FAM120C: variants seen among roughly 807,000 people sequenced by gnomAD.
The protein encoded by FAM120C is family with sequence similarity 120 member C.
A neutral mutation model predicts 71.2 loss-of-function variants in FAM120C; 14 were observed. The ratio of observed to expected loss-of-function variants is 0.20; its 90% CI spans 0.13 to 0.31. The LOEUF is 0.31. FAM120C is among the 10% of genes least tolerant of loss of function. FAM120C has a pLI of 1.00. For missense variants in FAM120C, 500 were observed against 879.0 expected (o/e 0.57, Z 5.45); for synonymous variants, 354 against 353.2 (o/e 1.00, Z -0.03).
intron 7 of FAM120C, among the ~76,000 whole-genome samples, chrX:54,134,479 G>T (rs1268301200): frequency 9.0e-6 from 1 of 111,602 alleles, no homozygotes; most frequent in Admixed American, 9.6e-5. Context: ...CTTACTCAAC[G>T]ATTCCACTAT....
At chrX:54,100,356 G>A (rs2066875880) in intron 10 of FAM120C, among the ~76,000 whole-genome samples, 2 of 111,462 alleles carry the variant, frequency 1.8e-5, no homozygotes, top group South Asian at 3.8e-4. Context: ...AGCCGGGTGT[G>A]GCAGCGGGCA....
chrX:54,148,698 C>A (rs182828809), intron 4 of FAM120C, among the ~76,000 whole-genome samples: 42 of 111,501 alleles, frequency 3.8e-4, no homozygotes, highest in Admixed American at 1.2e-3. Flanking sequence ...AAAACTATGA[C>A]GAGCTACCAC....
rs147620170 is a variant in FAM120C, at chrX:54,164,629, C to T, written c.700-5013G>A. On this transcript the variant is annotated intron_variant, in intron 1 of 15. Coordinates refer to ENST00000375180, the MANE Select transcript of FAM120C (RefSeq NM_017848.6). ...AGGCTGAATAATATTCCATTGTATG[C>T]TATACATTTTGTTTATCCATTCATC... Among the ~76,000 whole-genome samples, 398 of 111,925 alleles carry T rather than the reference C, an allele frequency of 3.6e-3. 3 individuals carry two copies. The highest frequency in any genetic ancestry group is 0.012 in the African/African-American group (381 of 30,849).
At chrX:54,166,456 C>T (rs2067259741) in intron 1 of FAM120C, among the ~76,000 whole-genome samples, 1 of 111,871 alleles carries the variant, frequency 8.9e-6, no homozygotes, top group African/African-American at 3.2e-5. Flanking sequence ...TTTGCAAACA[C>T]AAAATATTTA....
chrX:54,171,125 C>T (rs1429700263), intron 1 of FAM120C, among the ~76,000 whole-genome samples: 5 of 111,775 alleles, frequency 4.5e-5, no homozygotes, highest in East Asian at 2.8e-4. Context: ...AATATTTGGC[C>T]AGGCATGGTG....
At chrX:54,106,173 C>A (rs923438272) in intron 10 of FAM120C, among the ~76,000 whole-genome samples, 3 of 111,713 alleles carry the variant, frequency 2.7e-5, no homozygotes, top group Non-Finnish European at 5.6e-5. Context: ...TACAAGGCTA[C>A]GGTAACCAAA....
intron 9 of FAM120C, among the ~76,000 whole-genome samples, chrX:54,118,696 T>TTC: frequency 1.1e-5 from 1 of 93,220 alleles, no homozygotes; most frequent in Admixed American, 1.1e-4. Flanking sequence ...TTTTTCTTTT[T>TTC]TTCTTTTTTT....
At position 54,072,565 on chromosome X, in the gene FAM120C, GA is replaced by G. The variant is rs369853014; in HGVS notation, c.*467del. 33 of 84,326 alleles carry G rather than the reference GA, an allele frequency of 3.9e-4. No individual in the cohort carries two copies. The highest frequency in any genetic ancestry group is 1.1e-3 in the South Asian group (2 of 1,786). 6.9% of individuals were successfully genotyped at this position (84,326 alleles called of 1,213,427 possible). A position where few individuals can be genotyped will look rare whatever the true frequency, so the allele number is the denominator to read the frequency against. ...GAAGAGGTAGATACCACTTCATAGA[GA>G]AAAAAAAAAAACAAAAAAAAACCTC... is the stretch of plus-strand genomic sequence containing the variant. On this transcript the variant is annotated 3_prime_UTR_variant, in exon 16 of 16. Transcript: ENST00000375180.
rs1187400483 is a variant in FAM120C at position 54,098,758 on chromosome X, G to A, written c.2313-7332C>T. Reference sequence around the variant, plus strand: ...CCTGCCTCAGCCTCCTGAGTAGCTGGGATTACAGGCACGCGCCATGCCCGG... The same window carrying A: ...CCTGCCTCAGCCTCCTGAGTAGCTGAGATTACAGGCACGCGCCATGCCCGG... On this transcript the variant is annotated intron_variant, in intron 10 of 15. Transcript: ENST00000375180. Among the ~76,000 whole-genome samples the A allele has an allele frequency of 2.7e-5, 3 of 110,607 alleles. No homozygotes were observed. In the East Asian group the frequency reaches 8.6e-4, roughly 32 times the overall value.
Position 54,116,731 on chromosome X carries a change from A to C in FAM120C, c.2126T>G (p.Leu709Arg). 8.3e-7 allele frequency: 1 copy of C among 1,211,712 alleles called. No homozygotes were observed. Among genetic ancestry groups the C allele is most frequent in the African/African-American group, 1.7e-5 (1 of 57,809 alleles). Residue 709 changes from leucine to arginine, a missense_variant, in exon 10 of 16, where the codon CTG becomes CGG. Leu to Arg is a moderately radical substitution (Grantham distance 102). Coordinates refer to ENST00000375180, the MANE Select transcript of FAM120C (RefSeq NM_017848.6). The stretch of plus-strand genomic sequence containing the variant: ...TTCCCGAAATGTCAGTGCAGACACC[A>C]GCTCAGGGGTTTGAGGTGACTTCCC... The part of the protein sequence containing the change: ...YKGKSPQTPE[L>R]VSALTFREWT...
At position 54,069,031 on chromosome X, in the gene FAM120C, A is replaced by C. The variant is rs1557119845; in HGVS notation, c.*4002T>G. On this transcript the variant is annotated 3_prime_UTR_variant, in exon 16 of 16. Coordinates refer to ENST00000375180, the MANE Select transcript of FAM120C (RefSeq NM_017848.6). ...CTATAAAAGTACAGGGGCAATGTCA[A>C]AAGCTGAAATGGGCACCCTAGCACA... is the stretch of plus-strand genomic sequence containing the variant. The C allele has an allele frequency of 8.9e-6, 1 of 112,166 alleles. No individual in the cohort carries two copies. The highest frequency in any genetic ancestry group is 9.6e-5 in the Admixed American group (1 of 10,471). The allele number at this position is 112,166 out of a possible 1,213,427, so 9.2% of individuals were successfully genotyped here. A position where few individuals can be genotyped will look rare whatever the true frequency, so the allele number is the denominator to read the frequency against.
chrX:54,101,882 T>C (rs1424470387), intron 10 of FAM120C, among the ~76,000 whole-genome samples: 1 of 111,815 alleles, frequency 8.9e-6, no homozygotes, highest in Non-Finnish European at 1.9e-5. Flanking sequence ...CTAGTCTTCT[T>C]GTGCTCTAAG....
intron 3 of FAM120C, among the ~76,000 whole-genome samples, chrX:54,153,041 C>T (rs1486214511): frequency 9.0e-6 from 1 of 111,703 alleles, no homozygotes; most frequent in Non-Finnish European, 1.9e-5. Context: ...ACTAAAAATA[C>T]AAAAATTAAC....
At position 54,141,574 on chromosome X, in the gene FAM120C, T is replaced by C. The variant is rs184108705; in HGVS notation, c.1159-4984A>G. Among the ~76,000 whole-genome samples, 52 of 110,382 alleles carry C rather than the reference T, an allele frequency of 4.7e-4. No individual in the cohort carries two copies. In the South Asian group the frequency reaches 6.5e-3, roughly 14 times the overall value. ...AAAGATCGGGAACAAGATAAGAATATATATTCTTAGCATTTGTATTCATAT... is the reference window on the plus strand; with the variant it reads ...AAAGATCGGGAACAAGATAAGAATACATATTCTTAGCATTTGTATTCATAT... On this transcript the variant is annotated intron_variant, in intron 4 of 15. Transcript: ENST00000375180.
At position 54,073,231 on chromosome X, in the gene FAM120C, G is replaced by A. The variant is rs782371941; in HGVS notation, c.3093C>T (p.Ser1031=). 6.6e-6 allele frequency: 8 copies of A among 1,208,995 alleles called. No homozygotes were observed. The highest frequency in any genetic ancestry group is 7.8e-6 in the Non-Finnish European group (7 of 893,726). ...ATGCGCCACTGTTTCCATTTACCTG[G>A]GAGCGAGACCGACCTTGATGAAGCT... ...SLELHQGRSR[S]QVNGNSGALI... is the part of the protein sequence containing the mutation. Residue 1031 remains serine, a synonymous_variant, in exon 16 of 16, where the codon TCC becomes TCT. Coordinates refer to ENST00000375180, the MANE Select transcript of FAM120C (RefSeq NM_017848.6).
At chrX:54,153,210 G>A (rs2067192268) in intron 3 of FAM120C, among the ~76,000 whole-genome samples, 1 of 111,090 alleles carries the variant, frequency 9.0e-6, no homozygotes, top group South Asian at 3.8e-4. Flanking sequence ...GCCTCACTGA[G>A]AATGAAATTT....
chrX:54,141,989 C>A (rs1157062291), intron 4 of FAM120C, among the ~76,000 whole-genome samples: 3 of 111,716 alleles, frequency 2.7e-5, no homozygotes, highest in African/African-American at 9.7e-5. Context: ...AAATAATATT[C>A]ATGGATTCAA....
chrX:54,128,842 A>G (rs1197216373), intron 9 of FAM120C, among the ~76,000 whole-genome samples: 1 of 111,540 alleles, frequency 9.0e-6, no homozygotes, highest in Non-Finnish European at 1.9e-5. Flanking sequence ...TTAGTACAGA[A>G]CAAAATGAAA....
intron 4 of FAM120C, among the ~76,000 whole-genome samples, chrX:54,139,506 AT>A (rs1356420364): frequency 9.3e-6 from 1 of 107,921 alleles, no homozygotes; most frequent in Non-Finnish European, 1.9e-5. Flanking sequence ...TGCCCAGCTA[AT>A]TTTTTTTGTA....
Sources: allele counts gnomAD v4.1 joint callset (sites outside exome capture counted in the v4.1 genomes callset), GRCh38; gene constraint gnomAD v4.1.1; transcripts MANE v1.5; gene names NCBI Gene and HGNC (gene_info 2026-07-23, HGNC 2026-07-21).